The following LGALS3 variants were observed in gnomAD, a reference collection of about 807,000 sequenced individuals.
LGALS3 encodes the protein galectin-3.
In LGALS3, 18 loss-of-function variants were observed where a neutral mutation model predicts 20.7. That is an observed-to-expected ratio of 0.87 (90% CI 0.60 to 1.29). The LOEUF is 1.29. Among genes scored for constraint, LGALS3 ranks in the 50% most tolerant of loss-of-function variants. LGALS3 has a pLI of 0.00. For missense variants in LGALS3, 315 were observed against 314.7 expected (o/e 1.00, Z -0.01); for synonymous variants, 112 against 119.6 (o/e 0.94, Z 0.42).
chr14:55,138,014 G>T, intron 2 of LGALS3, 31 bp from the exon 3 acceptor site: 1 of 1,470,852 alleles, frequency 6.8e-7, no homozygotes, highest in Non-Finnish European at 9.0e-7. Flanking sequence ...AATGCTTTCT[G>T]TCCCGTAATT....
chr14:55,130,762 G>C (rs1454828191), intron 1 of LGALS3, among the ~76,000 whole-genome samples: 1 of 149,958 alleles, frequency 6.7e-6, no homozygotes. Flanking sequence ...GTGGGGGGGG[G>C]GGGGTCCCTC....
chr14:55,133,414 T>G (rs1388489830), intron 1 of LGALS3, among the ~76,000 whole-genome samples: 2 of 152,170 alleles, frequency 1.3e-5, no homozygotes, highest in Non-Finnish European at 1.5e-5. Context: ...ACCCTATATA[T>G]ACTGTTTTTT....
At chr14:55,142,492 A>C in intron 4 of LGALS3, 92 bp from the exon 5 acceptor site, 1 of 1,053,358 alleles carries the variant, frequency 9.5e-7, no homozygotes, top group Non-Finnish European at 1.4e-6. Context: ...TGTATTATGA[A>C]ATTATTTGCT....
At chr14:55,130,757 G>GT (rs1260645327) in intron 1 of LGALS3, among the ~76,000 whole-genome samples, 3 of 149,378 alleles carry the variant, frequency 2.0e-5, no homozygotes, top group African/African-American at 7.4e-5. Flanking sequence ...TGGTGGTGGG[G>GT]GGGGGGGGGT....
rs772467199 is a variant in LGALS3 at position 55,138,326 on chromosome 14, C to A, written c.300C>A (p.Ala100=). ...CTGGACAGCCAAGTGCCACCGGAGC[C>A]TACCCTGCCACTGGCCCCTATGGCG... The part of the protein sequence containing the change: ...PSSGQPSATG[A]YPATGPYGAP... The change falls in exon 3 of 6, where the codon GCC becomes GCA. Residue 100 remains alanine, a synonymous_variant. Transcript: ENST00000254301. 8 of 1,612,514 alleles carry A rather than the reference C, an allele frequency of 5.0e-6. No homozygotes were observed. The highest frequency in any genetic ancestry group is 6.8e-6 in the Non-Finnish European group (8 of 1,179,880).
intron 3 of LGALS3, among the ~76,000 whole-genome samples, chr14:55,139,659 A>G (rs1264059387): frequency 6.6e-6 from 1 of 152,168 alleles, no homozygotes; most frequent in Non-Finnish European, 1.5e-5. Context: ...GGTTTGGGTG[A>G]TAGTTAAACC....
chr14:55,143,003 T>C (rs1881681167), intron 5 of LGALS3, among the ~76,000 whole-genome samples: 1 of 152,104 alleles, frequency 6.6e-6, no homozygotes, highest in Admixed American at 6.6e-5. Flanking sequence ...TTTCTAGAAA[T>C]GAAAAGAATA....
chr14:55,140,326 A>AT lies in LGALS3; in HGVS notation c.395dup (p.Thr133AsnfsTer22), dbSNP rs1566782719. 1.9e-6 allele frequency: 3 copies of AT among 1,613,722 alleles called. No homozygotes were observed. Among genetic ancestry groups the AT allele is most frequent in the Non-Finnish European group, 2.5e-6 (3 of 1,179,852 alleles). On this transcript the variant is annotated frameshift_variant, in exon 4 of 6. Transcript: ENST00000254301. LOFTEE classifies it high-confidence loss of function. ...TGGGGGAGTGGTGCCTCGCATGCTGATAACAATTCTGGGCACGGTGAAGCC... is the reference window on the plus strand; with the variant it reads ...TGGGGGAGTGGTGCCTCGCATGCTGATTAACAATTCTGGGCACGGTGAAGCC...
At chr14:55,137,445 T>A in intron 2 of LGALS3, 54 bp downstream of exon 2, 1 of 1,613,972 alleles carries the variant, frequency 6.2e-7, no homozygotes, top group Non-Finnish European at 8.5e-7. Flanking sequence ...TGGTTGAGGG[T>A]TGGGGGTTTT....
In LGALS3 at chr14:55,139,008, G is replaced by A. The variant is rs1881523679; in HGVS notation, c.342+640G>A. On this transcript the variant is annotated intron_variant, in intron 3 of 5. Transcript: ENST00000254301. ...TGATAAAACATATAATAAATATGAG[G>A]AAAGAGCTAAGTACCAGTATGGGAT... Among the ~76,000 whole-genome samples the A allele has an allele frequency of 2.0e-5, 3 of 152,152 alleles. No individual in the cohort carries two copies. In the South Asian group the frequency reaches 6.2e-4, roughly 32 times the overall value.
chr14:55,142,464 G>A (rs985947071), intron 4 of LGALS3, 120 bp from the exon 5 acceptor site: 100 of 684,472 alleles, frequency 1.5e-4, no homozygotes, highest in Non-Finnish European at 5.9e-5. Context: ...TTTCCATTCA[G>A]AAAAATTTCC....
At chr14:55,144,579 T>C (rs1193122198) in intron 5 of LGALS3, among the ~76,000 whole-genome samples, 3 of 152,256 alleles carry the variant, frequency 2.0e-5, no homozygotes, top group Admixed American at 6.5e-5. Flanking sequence ...TTTTTGTTTT[T>C]TTGAGACGGA....
In LGALS3 at chr14:55,138,093, C is replaced by T. The variant is rs1327769335; in HGVS notation, c.67C>T (p.Pro23Ser). The T allele has an allele frequency of 3.3e-6, 5 of 1,524,578 alleles. No homozygotes were observed. The highest frequency in any genetic ancestry group is 4.4e-6 in the Non-Finnish European group (5 of 1,139,344). The allele number at this position is 1,524,578 out of a possible 1,614,324, so 94.4% of individuals were successfully genotyped here. ...TGGAAACCCAAACCCTCAAGGATGGCCTGGCGCATGGGGGAACCAGCCTGC... is the reference window on the plus strand; with the variant it reads ...TGGAAACCCAAACCCTCAAGGATGGTCTGGCGCATGGGGGAACCAGCCTGC... ...GSGNPNPQGW[P>S]GAWGNQPAGA... is the part of the protein sequence containing the mutation. Residue 23 changes from proline to serine, a missense_variant, in exon 3 of 6, where the codon CCT (proline) becomes TCT (serine). Physicochemically the swap from Pro to Ser is moderately conservative, Grantham distance 74. Transcript: ENST00000254301.
At chr14:55,133,500 G>A (rs1330215398) in intron 1 of LGALS3, among the ~76,000 whole-genome samples, 1 of 152,150 alleles carries the variant, frequency 6.6e-6, no homozygotes, top group Non-Finnish European at 1.5e-5. Context: ...CTGGACATAG[G>A]GATGATTCAT....
In LGALS3 at chr14:55,142,600, C is replaced by G. The variant is rs199729394; in HGVS notation, c.448C>G (p.Gln150Glu). 72 of 1,612,928 alleles carry G rather than the reference C, an allele frequency of 4.5e-5. 1 individual carries two copies. The East Asian group carries it at 1.6e-3, about 35-fold the overall frequency. The change falls in exon 5 of 6, where the codon CAA (glutamine) becomes GAA (glutamate). Residue 150 changes from glutamine (Q) to glutamate (E), a missense_variant. Transcript: ENST00000254301. ...PNANRIALDF[Q>E]RGNDVAFHFN... The stretch of plus-strand genomic sequence containing the variant: ...TTAAAACAGAATTGCTTTAGATTTC[C>G]AAAGAGGGAATGATGTTGCCTTCCA...
intron 5 of LGALS3, chr14:55,143,376 C>T: frequency 3.0e-6 from 1 of 332,294 alleles, no homozygotes; most frequent in Non-Finnish European, 5.9e-6. Context: ...GGACCACAGT[C>T]TACATTTGGT....
intron 4 of LGALS3, 98 bp downstream of exon 4, chr14:55,140,461 T>A: frequency 1.5e-6 from 1 of 681,534 alleles, no homozygotes; most frequent in Non-Finnish European, 2.5e-6. Context: ...CTTACAGTGC[T>A]ATTTTGAATT....
chr14:55,140,565 G>T, intron 4 of LGALS3: 1 of 478,434 alleles, frequency 2.1e-6, no homozygotes, highest in Non-Finnish European at 3.7e-6. Context: ...ATATAATTTT[G>T]CTAAGCATCA....
chr14:55,138,029 A>C lies in LGALS3; in HGVS notation c.19-16A>C, dbSNP rs1038405920. The C allele has an allele frequency of 5.4e-6, 8 of 1,491,348 alleles. No homozygotes were observed. The highest frequency in any genetic ancestry group is 1.5e-5 in the South Asian group (1 of 67,524). The allele number at this position is 1,491,348 out of a possible 1,614,324, so 92.4% of individuals were successfully genotyped here. ...AATGCTTTCTGTCCCGTAATTGTGT[A>C]TGTCTTTCTTTCCAGCTCCATGATG... On this transcript the variant is annotated splice_polypyrimidine_tract_variant and intron_variant, in intron 2 of 5. Coordinates refer to ENST00000254301, the MANE Select transcript of LGALS3 (RefSeq NM_002306.4).
Sources: allele counts gnomAD v4.1 joint callset (sites outside exome capture counted in the v4.1 genomes callset), GRCh38; gene constraint gnomAD v4.1.1; transcripts MANE v1.5; gene names NCBI Gene and HGNC (gene_info 2026-07-23, HGNC 2026-07-21).